The following LRP2 variants were observed in gnomAD, a reference collection of about 807,000 sequenced individuals.
LRP2 encodes LDL receptor related protein 2, also known as low-density lipoprotein receptor-related protein 2.
A neutral mutation model predicts 531.0 loss-of-function variants in LRP2; 172 were observed. The ratio of observed to expected loss-of-function variants is 0.32; its 90% CI spans 0.29 to 0.37. LRP2 has a LOEUF of 0.37. Ranked by LOEUF, LRP2 falls within the 10% of genes least tolerant of loss-of-function variation. The pLI is 1.00. For synonymous variants in LRP2, 1,992 were observed against 2,027.6 expected (o/e 0.98, Z 0.47); for missense variants, 5,167 against 5,868.3 (o/e 0.88, Z 3.90).
chr2:169,241,804 T>C (rs1294850430), intron 24 of LRP2, among the ~76,000 whole-genome samples: 1 of 152,242 alleles, frequency 6.6e-6, no homozygotes, highest in Non-Finnish European at 1.5e-5. Flanking sequence ...GTTATTATTT[T>C]CCCTCAGATG....
intron 7 of LRP2, among the ~76,000 whole-genome samples, chr2:169,291,424 A>G (rs1198158300): frequency 2.0e-5 from 3 of 152,234 alleles, no homozygotes; most frequent in African/African-American, 7.2e-5. Flanking sequence ...ACAGTATAAG[A>G]AAAACCATAA....
At chr2:169,350,452 G>A (rs1371101134) in intron 1 of LRP2, among the ~76,000 whole-genome samples, 2 of 152,074 alleles carry the variant, frequency 1.3e-5, no homozygotes, top group Non-Finnish European at 2.9e-5. Flanking sequence ...GGGGACTGAG[G>A]CCAGGCACAG....
intron 68 of LRP2, among the ~76,000 whole-genome samples, chr2:169,147,469 C>T (rs1005350521): frequency 6.6e-6 from 1 of 152,130 alleles, no homozygotes; most frequent in African/African-American, 2.4e-5. Flanking sequence ...CATGTGCCAC[C>T]ATGCCTGGCT....
intron 52 of LRP2, 89 bp downstream of exon 52, chr2:169,181,359 A>T: frequency 7.5e-7 from 1 of 1,329,894 alleles, no homozygotes; most frequent in Non-Finnish European, 1.1e-6. Context: ...CCAGTTAGAC[A>T]ATAGAGGGGA....
In LRP2 at chr2:169,205,526, C is replaced by G. The variant is rs896668419; in HGVS notation, c.7668G>C (p.Leu2556=). 14 of 1,614,016 alleles carry G rather than the reference C, an allele frequency of 8.7e-6. No individual in the cohort carries two copies. In the African/African-American group the frequency reaches 1.7e-4, roughly 20 times the overall value. The change falls in exon 41 of 79, where the codon CTG becomes CTC. Residue 2556 remains leucine (L), a synonymous_variant. Transcript: ENST00000649046. ...GAAGGTCCTCTTCATAGTCCAGAGTCAGCCCACTGGGCATGACCAGACTGC... is the reference window on the plus strand; with the variant it reads ...GAAGGTCCTCTTCATAGTCCAGAGTGAGCCCACTGGGCATGACCAGACTGC... ...VNSSLVMPSG[L]TLDYEEDLLY... is the part of the protein sequence containing the mutation.
chr2:169,174,572 C>T (rs62172597), intron 55 of LRP2, among the ~76,000 whole-genome samples: 3,100 of 152,246 alleles, frequency 0.02, 38 homozygotes, highest in Non-Finnish European at 0.03. Flanking sequence ...TGCAGTGGCA[C>T]GATCTCGGCT....
rs1687825979 is a variant in LRP2 at position 169,191,442 on chromosome 2, G to T, written c.9032+390C>A. Among the ~76,000 whole-genome samples, 2 of 152,026 alleles carry T rather than the reference G, an allele frequency of 1.3e-5. 1 individual carries two copies. Among genetic ancestry groups the T allele is most frequent in the African/African-American group, 4.8e-5 (2 of 41,394 alleles). On this transcript the variant is annotated intron_variant, in intron 48 of 78. Coordinates refer to ENST00000649046, the MANE Select transcript of LRP2 (RefSeq NM_004525.3). Reference sequence around the variant, plus strand: ...CAAGCCCTATCCATTCATCTCCCTGGCCCTCTGTGCAAGGCCAGATTCTGT... The same window carrying T: ...CAAGCCCTATCCATTCATCTCCCTGTCCCTCTGTGCAAGGCCAGATTCTGT...
Position 169,256,115 on chromosome 2 carries a change from T to C in LRP2, c.2761A>G (p.Ile921Val). ...TTGCTTTAAAACATACCTCCAAAGA[T>C]GGCAAGTCCAAACGGATGTGTCATC... is the stretch of plus-strand genomic sequence containing the variant. The part of the protein sequence containing the change: ...EQMTHPFGLA[I>V]FGEHLFFTDW... The change falls in exon 19 of 79, where the codon ATC (isoleucine) becomes GTC (valine). Residue 921 changes from isoleucine to valine, a missense_variant. Ile to Val is a conservative substitution (Grantham distance 29). Coordinates refer to ENST00000649046, the MANE Select transcript of LRP2 (RefSeq NM_004525.3). The C allele has an allele frequency of 1.2e-6, 2 of 1,612,926 alleles. No individual in the cohort carries two copies.
intron 76 of LRP2, among the ~76,000 whole-genome samples, chr2:169,136,424 G>A (rs1361602551): frequency 3.3e-5 from 5 of 152,044 alleles, no homozygotes; most frequent in Non-Finnish European, 4.4e-5. Context: ...CCAAGCCATC[G>A]CATCCCCTGT....
intron 9 of LRP2, among the ~76,000 whole-genome samples, chr2:169,285,486 C>T (rs1683830707): frequency 6.6e-6 from 1 of 152,138 alleles, no homozygotes; most frequent in Non-Finnish European, 1.5e-5. Flanking sequence ...CCACACAAAA[C>T]ACTAAAACAC....
chr2:169,193,261 T>C (rs1052472920), intron 47 of LRP2, among the ~76,000 whole-genome samples: 4 of 147,180 alleles, frequency 2.7e-5, no homozygotes, highest in African/African-American at 1.1e-4. Context: ...ACTTCGTCTC[T>C]ACAAAAAAAA....
At chr2:169,157,012 G>A (rs1402880260) in intron 64 of LRP2, among the ~76,000 whole-genome samples, 1 of 152,156 alleles carries the variant, frequency 6.6e-6, no homozygotes, top group Non-Finnish European at 1.5e-5. Flanking sequence ...ATAAATACGT[G>A]TTGGTTGTTT....
intron 63 of LRP2, among the ~76,000 whole-genome samples, chr2:169,158,538 TA>T (rs1464899979): frequency 6.6e-6 from 1 of 151,894 alleles, no homozygotes; most frequent in East Asian, 1.9e-4. Flanking sequence ...TGTTAAAATA[TA>T]AAAAAATACA....
At position 169,157,634 on chromosome 2, in the gene LRP2, G is replaced by A. The variant is rs1212359460; in HGVS notation, c.11888-132C>T. ...ATAACCCCTTTCCATAAGCCTTGGA[G>A]AGGACAGAGGGCACTGGGGGAGTCA... is the stretch of plus-strand genomic sequence containing the variant. On this transcript the variant is annotated intron_variant, in intron 63 of 78. Transcript: ENST00000649046. The A allele has an allele frequency of 3.0e-5, 28 of 947,282 alleles. No homozygotes were observed. In the Admixed American group the frequency reaches 4.4e-4, roughly 15 times the overall value. The allele number at this position is 947,282 out of a possible 1,614,324, so 58.7% of individuals were successfully genotyped here. A position where few individuals can be genotyped will look rare whatever the true frequency, so the allele number is the denominator to read the frequency against.
At chr2:169,207,773 T>C (rs1239672525) in intron 38 of LRP2, among the ~76,000 whole-genome samples, 1 of 152,228 alleles carries the variant, frequency 6.6e-6, no homozygotes, top group Non-Finnish European at 1.5e-5. Context: ...TTTCATCCCA[T>C]GGACCTTCTA....
chr2:169,196,006 G>T (rs1426873508), intron 46 of LRP2, among the ~76,000 whole-genome samples: 1 of 152,180 alleles, frequency 6.6e-6, no homozygotes, highest in Non-Finnish European at 1.5e-5. Context: ...GCAACCTAAT[G>T]CTTAATAATA....
intron 37 of LRP2, 91 bp from the exon 38 acceptor site, chr2:169,209,732 C>G (rs1490037660): frequency 2.9e-5 from 35 of 1,223,274 alleles, no homozygotes; most frequent in Non-Finnish European, 4.1e-5. Flanking sequence ...TCATTCCCAA[C>G]CCCCTGCTCT....
chr2:169,328,037 G>C (rs1418619469), intron 1 of LRP2, among the ~76,000 whole-genome samples: 1 of 135,932 alleles, frequency 7.4e-6, no homozygotes, highest in Non-Finnish European at 1.6e-5. Flanking sequence ...CCCCCTGCCC[G>C]GCCAGCCGCC....
intron 1 of LRP2, among the ~76,000 whole-genome samples, chr2:169,325,447 A>G (rs1288208502): frequency 6.6e-6 from 1 of 152,170 alleles, no homozygotes; most frequent in African/African-American, 2.4e-5. Flanking sequence ...TCTATACTTA[A>G]TTTTGATTCC....
Sources: allele counts gnomAD v4.1 joint callset (sites outside exome capture counted in the v4.1 genomes callset), GRCh38; gene constraint gnomAD v4.1.1; transcripts MANE v1.5; gene names NCBI Gene and HGNC (gene_info 2026-07-23, HGNC 2026-07-21).